The following ITIH1 variants were observed in gnomAD, a reference collection of about 807,000 sequenced individuals.
ITIH1 encodes the protein inter-alpha-trypsin inhibitor heavy chain 1.
Under a neutral mutation model 104.6 loss-of-function variants are expected in ITIH1, and 94 were observed. The ratio of observed to expected loss-of-function variants is 0.90; its 90% CI spans 0.76 to 1.07. The LOEUF is 1.07. ITIH1 is among the 50% of genes least tolerant of loss of function. The pLI, the probability that ITIH1 is intolerant of heterozygous loss-of-function variation, is 0.00. For missense variants in ITIH1, 1,193 were observed against 1,181.4 expected (o/e 1.01, Z -0.14); for synonymous variants, 455 against 464.4 (o/e 0.98, Z 0.26).
In ITIH1 at chr3:52,790,773, G is replaced by C; in HGVS notation, c.2346G>C (p.Lys782Asn). 6.2e-7 allele frequency: 1 copy of C among 1,612,944 alleles called. No homozygotes were observed. The highest frequency in any genetic ancestry group is 8.5e-7 in the Non-Finnish European group (1 of 1,179,588). ...GGGTGGTGGTGACCATCAACAAGAAGAGGAACCTGGTGGTGTCTGTGGACG... is the reference window on the plus strand; with the variant it reads ...GGGTGGTGGTGACCATCAACAAGAACAGGAACCTGGTGGTGTCTGTGGACG... Reference protein sequence around the residue: ...QDGVVVTINKKRNLVVSVDDG... With the variant: ...QDGVVVTINKNRNLVVSVDDG... Residue 782 changes from lysine (K) to asparagine (N), a missense_variant, in exon 20 of 22, where the codon AAG (lysine) becomes AAC (asparagine). Physicochemically the swap from Lys to Asn is moderately conservative, Grantham distance 94 (BLOSUM62 0). Coordinates refer to ENST00000273283, the MANE Select transcript of ITIH1 (RefSeq NM_002215.4).
intron 15 of ITIH1, 89 bp downstream of exon 15, chr3:52,787,291 T>A: frequency 6.5e-7 from 1 of 1,527,602 alleles, no homozygotes; most frequent in Non-Finnish European, 9.1e-7. Flanking sequence ...CAGCTCCCCA[T>A]CCCCATTCTT....
At chr3:52,785,340 A>AGTACCC in intron 12 of ITIH1, 111 bp downstream of exon 12, 1 of 1,018,972 alleles carries the variant, frequency 9.8e-7, no homozygotes, top group Admixed American at 2.2e-5. Context: ...TCCCCAGAGT[A>AGTACCC]GTACCCTCAT....
intron 20 of ITIH1, 68 bp downstream of exon 20, chr3:52,790,989 G>T: frequency 4.0e-6 from 6 of 1,487,244 alleles, no homozygotes; most frequent in South Asian, 1.3e-5. Flanking sequence ...TGGGACCTGG[G>T]GCCACCGGTC....
intron 10 of ITIH1, among the ~76,000 whole-genome samples, chr3:52,783,914 G>A (rs960197487): frequency 6.6e-6 from 1 of 151,986 alleles, no homozygotes. Context: ...AGGCAGAAGA[G>A]GCAGCTTAAG....
intron 2 of ITIH1, 75 bp downstream of exon 2, chr3:52,778,092 G>A (rs1471431215): frequency 2.2e-5 from 34 of 1,541,322 alleles, no homozygotes; most frequent in Admixed American, 8.3e-5. Context: ...CCTGTCAGGG[G>A]TGGACCCCTC....
rs763191440 is a variant in ITIH1, at chr3:52,785,070, C to G, written c.1434C>G (p.Pro478=). The part of the protein sequence containing the change: ...LQGFYSQVAK[P]LLVDVDLQYP... ...GTTTCTACAGCCAGGTAGCCAAACC[C>G]CTGCTGGTGGATGTGGATTTGCAGT... The change falls in exon 12 of 22, where the codon CCC becomes CCG. Residue 478 remains proline, a synonymous_variant. Coordinates refer to ENST00000273283, the MANE Select transcript of ITIH1 (RefSeq NM_002215.4). The G allele has an allele frequency of 6.2e-7, 1 of 1,614,052 alleles. No homozygotes were observed. Among genetic ancestry groups the G allele is most frequent in the Non-Finnish European group, 8.5e-7 (1 of 1,179,980 alleles).
In ITIH1 at chr3:52,779,867, T is replaced by C. The variant is rs1698992509; in HGVS notation, c.573+273T>C. 2 of 1,383,444 alleles carry C rather than the reference T, an allele frequency of 1.4e-6. No individual in the cohort carries two copies. Among genetic ancestry groups the C allele is most frequent in the African/African-American group, 1.5e-5 (1 of 68,752 alleles). 85.7% of individuals were successfully genotyped at this position (1,383,444 alleles called of 1,614,324 possible). A position where few individuals can be genotyped will look rare whatever the true frequency, so the allele number is the denominator to read the frequency against. ...CCGCCACAGGGATCACGAGAAGTAC[T>C]GAATGTCCAGGTAATTTTGTAAACT... On this transcript the variant is annotated intron_variant, in intron 5 of 21. Coordinates refer to ENST00000273283, the MANE Select transcript of ITIH1 (RefSeq NM_002215.4). The surrounding 1 kb of genome is among the most constrained non-coding windows in gnomAD (Gnocchi z 4.4).
At chr3:52,788,684 C>T (rs1374498627) in intron 18 of ITIH1, among the ~76,000 whole-genome samples, 1 of 152,112 alleles carries the variant, frequency 6.6e-6, no homozygotes, top group Non-Finnish European at 1.5e-5. Context: ...CCTCAGCCTC[C>T]CAAGTAGCTG....
chr3:52,788,051 G>T lies in ITIH1; in HGVS notation c.1990G>T (p.Asp664Tyr), dbSNP rs985536113. ...CAGCTCCAATACCCAGCGGCTGCCAGACCGAGTGACCGGCGGTGAGTCCTT... is the reference window on the plus strand; with the variant it reads ...CAGCTCCAATACCCAGCGGCTGCCATACCGAGTGACCGGCGGTGAGTCCTT... ...HSSSNTQRLP[D>Y]RVTGVDTDPH... The change falls in exon 17 of 22, where the codon GAC (aspartate) becomes TAC (tyrosine). Residue 664 changes from aspartate (D) to tyrosine (Y), a missense_variant. Transcript: ENST00000273283. 6.2e-7 allele frequency: 1 copy of T among 1,607,798 alleles called. No individual in the cohort carries two copies. The highest frequency in any genetic ancestry group is 1.1e-5 in the South Asian group (1 of 89,972).
rs35432560 is a variant in ITIH1 at position 52,781,321 on chromosome 3, CCTTCTT to C, written c.688-610_688-605del. ...TTCTTCTGCTTCTTCTTCTCCTTCT[CCTTCTT>C]CTTCTTCTATCTTCTCTTCTTCTTC... On this transcript the variant is annotated intron_variant, in intron 6 of 21. Coordinates refer to ENST00000273283, the MANE Select transcript of ITIH1 (RefSeq NM_002215.4). Among the ~76,000 whole-genome samples, 199 of 113,416 alleles carry C rather than the reference CCTTCTT, an allele frequency of 1.8e-3. 1 individual carries two copies. The highest frequency in any genetic ancestry group is 5.9e-3 in the African/African-American group (191 of 32,642). 74.4% of individuals were successfully genotyped at this position (113,416 alleles called of 152,430 possible). A position where few individuals can be genotyped will look rare whatever the true frequency, so the allele number is the denominator to read the frequency against.
At chr3:52,788,493 G>A (rs2239550) in intron 18 of ITIH1, 148 bp downstream of exon 18, 18 of 620,416 alleles carry the variant, frequency 2.9e-5, no homozygotes, top group African/African-American at 3.7e-5. Context: ...GCCTTCCCAC[G>A]CCATCCTCCT....
At chr3:52,777,778 A>G (rs746998182) in intron 1 of ITIH1, 46 bp downstream of exon 1, 18 of 1,513,962 alleles carry the variant, frequency 1.2e-5, no homozygotes, top group Non-Finnish European at 1.4e-5. Flanking sequence ...CTGAACCTGG[A>G]TGAGGCCCCG....
At chr3:52,781,815 G>A (rs1317727097) in intron 6 of ITIH1, 125 bp from the exon 7 acceptor site, 16 of 1,260,824 alleles carry the variant, frequency 1.3e-5, no homozygotes, top group Middle Eastern at 5.5e-4. Flanking sequence ...GTGGCCCACC[G>A]AACTCGTTTC....
At position 52,791,863 on chromosome 3, in the gene ITIH1, A is replaced by C. The variant is rs1267108791; in HGVS notation, c.2688A>C (p.Gly896=). The C allele has an allele frequency of 1.2e-6, 2 of 1,613,888 alleles. No individual in the cohort carries two copies. Among genetic ancestry groups the C allele is most frequent in the Admixed American group, 3.3e-5 (2 of 59,998 alleles). ...GGTTCATTCACAACAATGGGGCTGG[A>C]CTCATCGATGGTGCCTACACTGATT... is the stretch of plus-strand genomic sequence containing the variant. ...SCWFIHNNGA[G]LIDGAYTDYI... is the part of the protein sequence containing the mutation. The change falls in exon 22 of 22, where the codon GGA becomes GGC. Residue 896 remains glycine (G), a synonymous_variant. Coordinates refer to ENST00000273283, the MANE Select transcript of ITIH1 (RefSeq NM_002215.4).
chr3:52,787,099 G>C lies in ITIH1; in HGVS notation c.1888G>C (p.Asp630His). 6.2e-7 allele frequency: 1 copy of C among 1,614,204 alleles called. No individual in the cohort carries two copies. Among genetic ancestry groups the C allele is most frequent in the East Asian group, 2.2e-5 (1 of 44,882 alleles). The change falls in exon 14 of 22, where the codon GAT becomes CAT. Residue 630 changes from aspartate (D) to histidine (H), a missense_variant and splice_region_variant. Physicochemically the swap from Asp to His is moderately conservative, Grantham distance 81. Coordinates refer to ENST00000273283, the MANE Select transcript of ITIH1 (RefSeq NM_002215.4). ...GCCCACCATCGACAAGCCCTCAGAG[G>C]GTATAGGCTGCAGGGGTCTACAGAA... ...LKPTIDKPSE[D>H]SPPLEMLGPR...
At chr3:52,785,350 TC>T in intron 12 of ITIH1, 121 bp downstream of exon 12, 1 of 908,028 alleles carries the variant, frequency 1.1e-6, no homozygotes, top group Non-Finnish European at 1.7e-6. Context: ...AGTACCCTCA[TC>T]CCCACCATGC....
At chr3:52,777,954 CCT>C (rs766305163) in intron 1 of ITIH1, 41 bp from the exon 2 acceptor site, 11 of 1,613,724 alleles carry the variant, frequency 6.8e-6, no homozygotes, top group South Asian at 3.3e-5. Flanking sequence ...CCGGTGGTCC[CCT>C]GAGTTTTCCT....
At chr3:52,786,820 G>T in intron 13 of ITIH1, 125 bp from the exon 14 acceptor site, 1 of 1,138,690 alleles carries the variant, frequency 8.8e-7, no homozygotes, top group Non-Finnish European at 1.2e-6. Flanking sequence ...GACACCATGG[G>T]GGCTTAATAC....
intron 11 of ITIH1, among the ~76,000 whole-genome samples, chr3:52,784,815 C>T (rs1367159857): frequency 1.3e-5 from 2 of 149,394 alleles, no homozygotes; most frequent in African/African-American, 5.0e-5. Flanking sequence ...GTGGAGGTTG[C>T]AATGAGCTGA....
Sources: allele counts gnomAD v4.1 joint callset (sites outside exome capture counted in the v4.1 genomes callset), GRCh38; gene constraint gnomAD v4.1.1; non-coding constraint Gnocchi (gnomAD v3.1); transcripts MANE v1.5; gene names NCBI Gene and HGNC (gene_info 2026-07-23, HGNC 2026-07-21).